HS6ST3: variants seen among roughly 807,000 people sequenced by gnomAD.
HS6ST3 encodes the protein heparan sulfate 6-O-sulfotransferase 3.
In HS6ST3, 12 loss-of-function variants were observed where a neutral mutation model predicts 36.7. The ratio of observed to expected loss-of-function variants is 0.33; its 90% CI spans 0.21 to 0.53. The LOEUF (loss-of-function observed/expected upper bound fraction) is 0.53, where lower values mean the gene tolerates loss of function less well. HS6ST3 is among the 20% of genes least tolerant of loss of function. The probability of loss-of-function intolerance (pLI) is 0.95; values close to 1 mark genes in which losing one functional copy is unlikely to be tolerated. For synonymous variants in HS6ST3, 240 were observed against 257.5 expected (o/e 0.93, Z 0.65); for missense variants, 584 against 640.9 (o/e 0.91, Z 0.96).
chr13:96,595,509 A>G (rs910972887), intron 1 of HS6ST3, among the ~76,000 whole-genome samples: 3 of 151,438 alleles, frequency 2.0e-5, no homozygotes, highest in East Asian at 1.9e-4. Flanking sequence ...TGATTAGAAT[A>G]TGTCTTAGGG....
chr13:96,278,265 T>G (rs2054758307), intron 1 of HS6ST3, among the ~76,000 whole-genome samples: 2 of 152,178 alleles, frequency 1.3e-5, no homozygotes, highest in African/African-American at 4.8e-5. Flanking sequence ...TTTGTTTGTG[T>G]GGCAAGAAAC....
At chr13:96,777,356 C>T (rs557774672) in intron 1 of HS6ST3, among the ~76,000 whole-genome samples, 8 of 151,658 alleles carry the variant, frequency 5.3e-5, no homozygotes, top group Non-Finnish European at 8.9e-5. Flanking sequence ...AGAAATAAAG[C>T]GTATTCAAAT....
chr13:96,633,510 T>A (rs1049687478), intron 1 of HS6ST3, among the ~76,000 whole-genome samples: 1 of 152,156 alleles, frequency 6.6e-6, no homozygotes, highest in African/African-American at 2.4e-5. Flanking sequence ...GATAAAAGAA[T>A]TAAGACCTAG....
At chr13:96,503,380 A>G (rs150641340) in intron 1 of HS6ST3, among the ~76,000 whole-genome samples, 35 of 152,240 alleles carry the variant, frequency 2.3e-4, no homozygotes, top group African/African-American at 8.4e-4. Flanking sequence ...TTAGCTATGA[A>G]GATAACATGA....
intron 1 of HS6ST3, among the ~76,000 whole-genome samples, chr13:96,700,379 C>T (rs887889570): frequency 6.6e-6 from 1 of 152,112 alleles, no homozygotes; most frequent in Non-Finnish European, 1.5e-5. Flanking sequence ...TATCTCCCAC[C>T]AGGTCCCTCC....
rs937943228 is a variant in HS6ST3, at chr13:96,432,375, T to A, written c.707+340806T>A. Among the ~76,000 whole-genome samples, 47 of 152,184 alleles carry A rather than the reference T, an allele frequency of 3.1e-4. 1 individual carries two copies. Among genetic ancestry groups the A allele is most frequent in the Non-Finnish European group, 1.5e-5 (1 of 68,026 alleles). ...TGTATGTCATCAGATCTTTACTAAA[T>A]AATGAGAAATTTTAATTCTCTTATC... On this transcript the variant is annotated intron_variant, in intron 1 of 1. Coordinates refer to ENST00000376705, the MANE Select transcript of HS6ST3 (RefSeq NM_153456.4).
In HS6ST3 at chr13:96,658,268, C is replaced by CTTCTTTTTTTTTTTT. The variant is rs1566422902; in HGVS notation, c.708-174220_708-174219insCTTTTTTTTTTTTTT. Among the ~76,000 whole-genome samples, 72 of 76,112 alleles carry CTTCTTTTTTTTTTTT rather than the reference C, an allele frequency of 9.5e-4. 3 individuals carry two copies. The highest frequency in any genetic ancestry group is 1.5e-3 in the Non-Finnish European group (63 of 41,014). The allele number at this position is 76,112 out of a possible 152,430, so 49.9% of individuals were successfully genotyped here. A position where few individuals can be genotyped will look rare whatever the true frequency, so the allele number is the denominator to read the frequency against. ...TTCTTCTTCTTCTTCTCTTCTTCTT[C>CTTCTTTTTTTTTTTT]TTTTTTTTTTTTTTTTTTTTTTTTT... On this transcript the variant is annotated intron_variant, in intron 1 of 1. Transcript: ENST00000376705.
At chr13:96,481,486 G>A (rs886535242) in intron 1 of HS6ST3, among the ~76,000 whole-genome samples, 2 of 152,274 alleles carry the variant, frequency 1.3e-5, no homozygotes, top group East Asian at 3.9e-4. Flanking sequence ...ATCAAGTGCT[G>A]CCTTGCCAGT....
chr13:96,423,270 C>T, intron 1 of HS6ST3, among the ~76,000 whole-genome samples: 1 of 152,100 alleles, frequency 6.6e-6, no homozygotes, highest in Non-Finnish European at 1.5e-5. Flanking sequence ...TGCATTCATT[C>T]CAAACATATT....
At chr13:96,127,385 C>G (rs892752557) in intron 1 of HS6ST3, among the ~76,000 whole-genome samples, 1 of 152,194 alleles carries the variant, frequency 6.6e-6, no homozygotes, top group Non-Finnish European at 1.5e-5. Context: ...AGCATCTAAC[C>G]TTGATTTCTT....
chr13:96,354,331 A>G (rs1469129834), intron 1 of HS6ST3, among the ~76,000 whole-genome samples: 2 of 152,146 alleles, frequency 1.3e-5, no homozygotes, highest in African/African-American at 4.8e-5. Flanking sequence ...ACTTACATTT[A>G]TTTTTGTACA....
chr13:96,688,436 G>A (rs566740534), intron 1 of HS6ST3, among the ~76,000 whole-genome samples: 1 of 151,994 alleles, frequency 6.6e-6, no homozygotes, highest in African/African-American at 2.4e-5. Context: ...AGGCAGGATT[G>A]GTTTAGTCTG....
chr13:96,604,477 T>C (rs960162201), intron 1 of HS6ST3, among the ~76,000 whole-genome samples: 1 of 152,186 alleles, frequency 6.6e-6, no homozygotes, highest in Non-Finnish European at 1.5e-5. Flanking sequence ...ATCTTTATTT[T>C]ATCAGATACA....
At position 96,832,920 on chromosome 13, in the gene HS6ST3, A is replaced by G. The variant is rs1300322142; in HGVS notation, c.1138A>G (p.Asn380Asp). 1.2e-6 allele frequency: 2 copies of G among 1,614,196 alleles called. No individual in the cohort carries two copies. The highest frequency in any genetic ancestry group is 2.2e-5 in the South Asian group (2 of 91,092). Reference sequence around the variant, plus strand: ...GTTCATCTCCCCCTTCACACAGTTCAACATCACGCGGGCTTCTAACGTGGA... The same window carrying G: ...GTTCATCTCCCCCTTCACACAGTTCGACATCACGCGGGCTTCTAACGTGGA... ...LKFISPFTQF[N>D]ITRASNVEIN... is the part of the protein sequence containing the mutation. The change falls in exon 2 of 2, where the codon AAC (asparagine) becomes GAC (aspartate). Residue 380 changes from asparagine (N) to aspartate (D), a missense_variant. Around this residue, in one of 3 missense-constraint regions of HS6ST3, gnomAD observed 360 missense variants for 411.3 expected, o/e 0.88. Transcript: ENST00000376705.
chr13:96,249,623 T>G (rs1230495437), intron 1 of HS6ST3, among the ~76,000 whole-genome samples: 1 of 152,198 alleles, frequency 6.6e-6, no homozygotes, highest in Non-Finnish European at 1.5e-5. Flanking sequence ...CAGTATAATC[T>G]GCTACATATA....
At chr13:96,777,769 A>G (rs1298308261) in intron 1 of HS6ST3, among the ~76,000 whole-genome samples, 1 of 152,218 alleles carries the variant, frequency 6.6e-6, no homozygotes, top group Non-Finnish European at 1.5e-5. Flanking sequence ...TATAGATTCA[A>G]TGCTATCCCC....
intron 1 of HS6ST3, among the ~76,000 whole-genome samples, chr13:96,525,958 C>T (rs1478702394): frequency 6.6e-6 from 1 of 152,222 alleles, no homozygotes; most frequent in Admixed American, 6.5e-5. Flanking sequence ...TTTAGGCATT[C>T]CCAGGACATT....
At chr13:96,353,438 GC>G (rs1022504321) in intron 1 of HS6ST3, among the ~76,000 whole-genome samples, 4 of 152,026 alleles carry the variant, frequency 2.6e-5, no homozygotes, top group Admixed American at 2.0e-4. Flanking sequence ...TGGCCACCTG[GC>G]TAACCATTTG....
chr13:96,537,836 A>G (rs2056161875), intron 1 of HS6ST3, among the ~76,000 whole-genome samples: 1 of 152,196 alleles, frequency 6.6e-6, no homozygotes, highest in Non-Finnish European at 1.5e-5. Flanking sequence ...TGTTTTATAA[A>G]TGAGAGTGGG....
Sources: gnomAD v4.1 joint callset for allele counts (sites outside exome capture counted in the v4.1 genomes callset) on GRCh38, gnomAD v4.1.1 for gene constraint, gnomAD v4.1.1 regional missense constraint, MANE v1.5 for transcripts, NCBI Gene and HGNC (gene_info 2026-07-23, HGNC 2026-07-21) for gene names.